Variants in RABEP1 observed in about 807,000 individuals in gnomAD.
RABEP1 encodes the protein rabaptin, RAB GTPase binding effector protein 1.
RABEP1 carries 51 observed loss-of-function variants against 123.4 expected under a neutral mutation model. That is an observed-to-expected ratio of 0.41 (90% CI 0.33 to 0.52). The LOEUF is 0.52. Among genes scored for constraint, RABEP1 ranks in the 20% least tolerant of loss-of-function variants. RABEP1 has a pLI of 0.16. For synonymous variants in RABEP1, 347 were observed against 355.2 expected (o/e 0.98, Z 0.26); for missense variants, 888 against 996.3 (o/e 0.89, Z 1.46).
At chr17:5,374,931 C>T (rs972019499) in intron 13 of RABEP1, among the ~76,000 whole-genome samples, 22 of 152,134 alleles carry the variant, frequency 1.4e-4, no homozygotes, top group African/African-American at 4.6e-4. Flanking sequence ...CATCAGCCAC[C>T]GCACCTGGCC....
intron 1 of RABEP1, among the ~76,000 whole-genome samples, chr17:5,284,507 C>T (rs2074958656): frequency 6.6e-6 from 1 of 151,612 alleles, no homozygotes; most frequent in African/African-American, 2.4e-5. Context: ...ACTCTGTTGC[C>T]CAGGCTGGAG....
At chr17:5,290,613 G>T (rs568627982) in intron 1 of RABEP1, among the ~76,000 whole-genome samples, 33 of 152,098 alleles carry the variant, frequency 2.2e-4, no homozygotes, top group Admixed American at 5.9e-4. Flanking sequence ...TATTTTTTGA[G>T]ATAGAGTCTT....
chr17:5,361,763 T>G (rs1909566008), intron 9 of RABEP1, 88 bp downstream of exon 9: 1 of 1,162,426 alleles, frequency 8.6e-7, no homozygotes, highest in African/African-American at 1.6e-5. Context: ...AACAGACGGT[T>G]CCTGGAGTCA....
In RABEP1 at chr17:5,342,506, C is replaced by T. The variant is rs1044363252; in HGVS notation, c.649-4284C>T. Among the ~76,000 whole-genome samples the T allele has an allele frequency of 2.3e-4, 35 of 152,086 alleles. 1 individual carries two copies. The highest frequency in any genetic ancestry group is 4.2e-4 in the South Asian group (2 of 4,798). ...TACAAAAATTAGTCGAGCATGGTTG[C>T]GGAAGCCTGTAGTGCCAATCTCTCA... is the stretch of plus-strand genomic sequence containing the variant. On this transcript the variant is annotated intron_variant, in intron 5 of 17. Coordinates refer to ENST00000537505, the MANE Select transcript of RABEP1 (RefSeq NM_004703.6).
chr17:5,328,142 C>T (rs1026177680), intron 2 of RABEP1, among the ~76,000 whole-genome samples: 3 of 152,112 alleles, frequency 2.0e-5, no homozygotes, highest in African/African-American at 4.8e-5. Context: ...GTAACATATA[C>T]GCACTGTAAT....
intron 8 of RABEP1, among the ~76,000 whole-genome samples, chr17:5,357,724 A>G (rs1378690353): frequency 6.6e-6 from 1 of 152,118 alleles, no homozygotes; most frequent in Non-Finnish European, 1.5e-5. Context: ...AGGGAGTTCA[A>G]TGCCCCTGAA....
intron 8 of RABEP1, among the ~76,000 whole-genome samples, chr17:5,356,294 T>G (rs1909011097): frequency 6.6e-6 from 1 of 152,128 alleles, no homozygotes; most frequent in African/African-American, 2.4e-5. Context: ...AGGTGGAGGT[T>G]GCAATGAGCT....
At position 5,377,181 on chromosome 17, in the gene RABEP1, C is replaced by T. The variant is rs773532849; in HGVS notation, c.2091C>T (p.His697=). The T allele has an allele frequency of 4.1e-5, 66 of 1,613,024 alleles. No homozygotes were observed. In the East Asian group the frequency reaches 7.8e-4, roughly 19 times the overall value. The part of the protein sequence containing the change: ...DIINVRTAAD[H]VEEKLKAEIL... ...TTAATGTGCGGACAGCAGCAGACCACGTAGAAGAAAAGCTGAAGGCTGAGA... is the reference window on the plus strand; with the variant it reads ...TTAATGTGCGGACAGCAGCAGACCATGTAGAAGAAAAGCTGAAGGCTGAGA... Residue 697 remains histidine (H), a synonymous_variant, in exon 14 of 18, where the codon CAC becomes CAT. Coordinates refer to ENST00000537505, the MANE Select transcript of RABEP1 (RefSeq NM_004703.6).
At chr17:5,289,393 A>T (rs2075011011) in intron 1 of RABEP1, among the ~76,000 whole-genome samples, 1 of 149,058 alleles carries the variant, frequency 6.7e-6, no homozygotes. Context: ...TTATGCAGAA[A>T]GCTTTAATTT....
chr17:5,378,536 A>T, intron 15 of RABEP1: 1 of 404,102 alleles, frequency 2.5e-6, no homozygotes, highest in Non-Finnish European at 4.5e-6. Context: ...GAGGTACAGT[A>T]GAAATATGTA....
intron 2 of RABEP1, among the ~76,000 whole-genome samples, chr17:5,326,416 G>A (rs1905974262): frequency 1.3e-5 from 2 of 152,130 alleles, no homozygotes; most frequent in Non-Finnish European, 2.9e-5. Flanking sequence ...ATGATTCCAA[G>A]CATATGACAT....
intron 1 of RABEP1, among the ~76,000 whole-genome samples, chr17:5,295,384 G>A (rs1334835728): frequency 3.1e-5 from 4 of 130,146 alleles, no homozygotes; most frequent in East Asian, 2.2e-4. Flanking sequence ...GGAAGATTCC[G>A]TCTCAAAAAA....
rs752451529 is a variant in RABEP1, at chr17:5,365,258, CTG to C, written c.1785+23_1785+24del. ...CACCAGGTAAGGGAGGGTTTATAGA[CTG>C]TGGCCCATGAGGGATGACTGGGTTA... On this transcript the variant is annotated intron_variant, in intron 11 of 17. Coordinates refer to ENST00000537505, the MANE Select transcript of RABEP1 (RefSeq NM_004703.6). 2.1e-5 allele frequency: 32 copies of C among 1,505,290 alleles called. No homozygotes were observed. The highest frequency in any genetic ancestry group is 2.8e-5 in the Non-Finnish European group (31 of 1,109,178). The allele number at this position is 1,505,290 out of a possible 1,614,324, so 93.2% of individuals were successfully genotyped here. A position where few individuals can be genotyped will look rare whatever the true frequency, so the allele number is the denominator to read the frequency against.
chr17:5,311,539 A>G (rs1486684847), intron 2 of RABEP1, among the ~76,000 whole-genome samples: 2 of 151,912 alleles, frequency 1.3e-5, no homozygotes, highest in African/African-American at 4.8e-5. Context: ...TACAAAAAAA[A>G]TACAAAAATT....
chr17:5,313,176 T>C (rs1294336096), intron 2 of RABEP1, among the ~76,000 whole-genome samples: 1 of 152,178 alleles, frequency 6.6e-6, no homozygotes, highest in African/African-American at 2.4e-5. Flanking sequence ...CTTTTAAAAT[T>C]TGTTCATGTT....
chr17:5,335,480 A>ATAG (rs1906985854), intron 4 of RABEP1, 136 bp downstream of exon 4: 1 of 706,912 alleles, frequency 1.4e-6, no homozygotes, highest in Admixed American at 3.0e-5. Flanking sequence ...AGACCTAAAC[A>ATAG]TAGTACTAAA....
chr17:5,323,677 G>GAT (rs36055386), intron 2 of RABEP1, among the ~76,000 whole-genome samples: 23,459 of 96,272 alleles, frequency 0.24, 6,483 homozygotes, highest in African/African-American at 0.43. Flanking sequence ...TTTCATTGGT[G>GAT]ATATATATAT....
intron 2 of RABEP1, among the ~76,000 whole-genome samples, chr17:5,316,488 G>A (rs1198010075): frequency 7.1e-6 from 1 of 141,216 alleles, no homozygotes; most frequent in Admixed American, 7.3e-5. Context: ...ACTGCTGGTA[G>A]AGTGATAGAC....
intron 5 of RABEP1, among the ~76,000 whole-genome samples, chr17:5,342,199 T>C (rs1242140463): frequency 1.3e-5 from 2 of 151,772 alleles, no homozygotes; most frequent in Non-Finnish European, 2.9e-5. Flanking sequence ...GAAAAAAGAT[T>C]GATCCTATTC....
Sources: allele counts gnomAD v4.1 joint callset (sites outside exome capture counted in the v4.1 genomes callset), GRCh38; gene constraint gnomAD v4.1.1; transcripts MANE v1.5; gene names NCBI Gene and HGNC (gene_info 2026-07-23, HGNC 2026-07-21).